DPYD: variants seen among roughly 807,000 people sequenced by gnomAD.
DPYD encodes the protein dihydropyrimidine dehydrogenase, also known as dihydropyrimidine dehydrogenase [NADP(+)].
A neutral mutation model predicts 116.2 loss-of-function variants in DPYD; 109 were observed. The ratio of observed to expected loss-of-function variants is 0.94; its 90% confidence interval spans 0.80 to 1.10. The LOEUF (loss-of-function observed/expected upper bound fraction) is 1.10, where lower values mean the gene tolerates loss of function less well. Ranked by LOEUF, DPYD falls within the 50% of genes least tolerant of loss-of-function variation. The pLI, the probability that DPYD is intolerant of heterozygous loss-of-function variation, is 0.00. For synonymous variants in DPYD, 440 were observed against 432.0 expected, an observed-to-expected ratio of 1.02 and a Z score of -0.23; for missense variants, 1,302 against 1,254.5, an observed-to-expected ratio of 1.04 and a Z score of -0.57.
intron 8 of DPYD, among the ~76,000 whole-genome samples, chr1:97,613,775 C>T (rs1656094937): frequency 6.6e-6 from 1 of 151,900 alleles, no homozygotes; most frequent in South Asian, 2.1e-4. Flanking sequence ...TATTAGCAAA[C>T]ATCAATAATT....
At chr1:97,505,665 T>C (rs1647275078) in intron 13 of DPYD, among the ~76,000 whole-genome samples, 1 of 151,690 alleles carries the variant, frequency 6.6e-6, no homozygotes, top group Non-Finnish European at 1.5e-5. Context: ...ATTACACACA[T>C]ATACACACAC....
chr1:97,745,833 G>T (rs1328950553), intron 3 of DPYD, among the ~76,000 whole-genome samples: 1 of 151,976 alleles, frequency 6.6e-6, no homozygotes, highest in African/African-American at 2.4e-5. Context: ...TCCCATCTAC[G>T]TACAAAAACA....
chr1:97,130,292 C>G (rs998668034), intron 20 of DPYD, among the ~76,000 whole-genome samples: 1 of 152,124 alleles, frequency 6.6e-6, no homozygotes, highest in African/African-American at 2.4e-5. Flanking sequence ...ATTATGGAAC[C>G]TGTTGTTGCA....
At chr1:97,179,220 T>C (rs1657486024) in intron 20 of DPYD, among the ~76,000 whole-genome samples, 1 of 152,198 alleles carries the variant, frequency 6.6e-6, no homozygotes, top group Non-Finnish European at 1.5e-5. Context: ...AAAGATTATA[T>C]ACAGTAGCAC....
intron 8 of DPYD, among the ~76,000 whole-genome samples, chr1:97,659,387 T>G (rs1339107066): frequency 2.0e-5 from 3 of 152,176 alleles, no homozygotes; most frequent in African/African-American, 7.2e-5. Context: ...AATTTTTAGA[T>G]TATAAATACA....
chr1:97,550,766 T>C (rs1322834820), intron 11 of DPYD, among the ~76,000 whole-genome samples: 1 of 152,144 alleles, frequency 6.6e-6, no homozygotes, highest in Non-Finnish European at 1.5e-5. Context: ...TTGGGAGATT[T>C]TGGAACAGAA....
chr1:97,256,541 G>A (rs189766506), intron 18 of DPYD, among the ~76,000 whole-genome samples: 70 of 152,154 alleles, frequency 4.6e-4, no homozygotes, highest in African/African-American at 1.6e-3. Context: ...TTTGCCTGCT[G>A]TTATCCACGT....
intron 20 of DPYD, among the ~76,000 whole-genome samples, chr1:97,150,490 C>G (rs902859672): frequency 3.3e-5 from 5 of 152,136 alleles, no homozygotes; most frequent in Admixed American, 1.3e-4. Flanking sequence ...ATTATTTTCA[C>G]GTAGGTAAAA....
chr1:97,737,868 T>C (rs1220958273), intron 4 of DPYD, among the ~76,000 whole-genome samples: 1 of 152,180 alleles, frequency 6.6e-6, no homozygotes, highest in Non-Finnish European at 1.5e-5. Context: ...GCTTCGATTT[T>C]GTTGTTTCTT....
intron 20 of DPYD, among the ~76,000 whole-genome samples, chr1:97,110,993 C>T (rs1033680606): frequency 6.8e-6 from 1 of 145,994 alleles, no homozygotes; most frequent in African/African-American, 2.5e-5. Context: ...CATAGAGAGA[C>T]CCCATCTCTA....
chr1:97,124,162 G>GA (rs1652658755), intron 20 of DPYD, among the ~76,000 whole-genome samples: 1 of 139,874 alleles, frequency 7.1e-6, no homozygotes, highest in Non-Finnish European at 1.6e-5. Flanking sequence ...GGAACCAGAG[G>GA]AAAATTTCCT....
At chr1:97,183,034 G>A (rs1570620287) in intron 20 of DPYD, among the ~76,000 whole-genome samples, 1 of 152,142 alleles carries the variant, frequency 6.6e-6, no homozygotes, top group Non-Finnish European at 1.5e-5. Flanking sequence ...TAATTGCGAT[G>A]AAGCATAATT....
chr1:97,545,717 TG>T (rs2102069394), intron 12 of DPYD: 2 of 1,099,738 alleles, frequency 1.8e-6, no homozygotes, highest in East Asian at 4.8e-5. Flanking sequence ...CTAATAGTAA[TG>T]GCCCCGAACC....
intron 2 of DPYD, among the ~76,000 whole-genome samples, chr1:97,850,705 T>C (rs942291858): frequency 8.6e-5 from 13 of 152,016 alleles, no homozygotes; most frequent in Non-Finnish European, 1.6e-4. Flanking sequence ...CTACCAATAG[T>C]GTCATCTATA....
At chr1:97,080,050 C>A (rs752599630) in intron 22 of DPYD, among the ~76,000 whole-genome samples, 1 of 151,812 alleles carries the variant, frequency 6.6e-6, no homozygotes, top group East Asian at 1.9e-4. Flanking sequence ...AAGACCTCAG[C>A]GGAAGTTACA....
intron 20 of DPYD, among the ~76,000 whole-genome samples, chr1:97,106,655 C>G (rs1448341422): frequency 6.6e-6 from 1 of 152,084 alleles, no homozygotes; most frequent in Non-Finnish European, 1.5e-5. Context: ...CCTGCAGATT[C>G]AGGCATAGAG....
intron 3 of DPYD, 152 bp from the exon 4 acceptor site, chr1:97,740,631 T>C: frequency 1.5e-6 from 1 of 679,290 alleles, no homozygotes; most frequent in Non-Finnish European, 2.5e-6. Flanking sequence ...AAATACAAAG[T>C]TTCTGTGTTT....
chr1:97,429,255 G>A (rs1675039159), intron 14 of DPYD, among the ~76,000 whole-genome samples: 1 of 152,012 alleles, frequency 6.6e-6, no homozygotes, highest in African/African-American at 2.4e-5. Context: ...TGTACCATAT[G>A]TAGGAGTAGA....
chr1:97,564,350 G>C (rs191977288), intron 11 of DPYD, among the ~76,000 whole-genome samples: 5 of 152,024 alleles, frequency 3.3e-5, no homozygotes, highest in African/African-American at 1.2e-4. Flanking sequence ...AATATGACAG[G>C]CTTCTGGATT....
Sources: gnomAD v4.1 joint callset for allele counts (sites outside exome capture counted in the v4.1 genomes callset) on GRCh38, gnomAD v4.1.1 for gene constraint, MANE v1.5 for transcripts, NCBI Gene and HGNC (gene_info 2026-07-23, HGNC 2026-07-21) for gene names.